Variants in PTH1R observed in about 807,000 individuals in gnomAD.
PTH1R encodes parathyroid hormone/parathyroid hormone-related peptide receptor.
Under a neutral mutation model 70.7 loss-of-function variants are expected in PTH1R, and 32 were observed. The observed-to-expected ratio is 0.45, with a 90% CI of 0.34 to 0.61. The LOEUF is 0.61. Ranked by LOEUF, PTH1R falls within the 20% of genes least tolerant of loss-of-function variation. The probability of loss-of-function intolerance (pLI) is 0.01; values close to 1 mark genes in which losing one functional copy is unlikely to be tolerated. For missense variants in PTH1R, 626 were observed against 792.5 expected (o/e 0.79, Z 2.52); for synonymous variants, 329 against 324.8 (o/e 1.01, Z -0.14).
At chr3:46,888,578 G>A (rs1216197878) in intron 3 of PTH1R, among the ~76,000 whole-genome samples, 4 of 152,174 alleles carry the variant, frequency 2.6e-5, no homozygotes, top group Non-Finnish European at 5.9e-5. Flanking sequence ...TGCAAAATAC[G>A]GTGTGATTGG....
At chr3:46,880,338 T>C (rs2030475147) in intron 1 of PTH1R, 1 of 152,244 alleles carries the variant, frequency 6.6e-6, no homozygotes, top group African/African-American at 2.4e-5. Context: ...AGACAGTTCC[T>C]GTTAGGGAGA....
chr3:46,880,954 T>C (rs2030519855), intron 1 of PTH1R, 108 bp from the exon 2 acceptor site: 1 of 152,012 alleles, frequency 6.6e-6, no homozygotes. Context: ...ACAGGCTGAG[T>C]CTTGAGAGCC....
intron 1 of PTH1R, among the ~76,000 whole-genome samples, chr3:46,880,726 TGAAGAA>T (rs541243988): frequency 8.6e-5 from 13 of 151,430 alleles, no homozygotes; most frequent in African/African-American, 3.2e-4. Context: ...GACTTTGTCT[TGAAGAA>T]GAAGAAGAAG....
At chr3:46,895,269 C>T (rs1208115475) in intron 4 of PTH1R, among the ~76,000 whole-genome samples, 1 of 152,162 alleles carries the variant, frequency 6.6e-6, no homozygotes, top group Admixed American at 6.5e-5. Flanking sequence ...CTTGTCTTCT[C>T]ACCACCAGCT....
intron 4 of PTH1R, 30 bp downstream of exon 4, chr3:46,894,039 T>C: frequency 6.2e-7 from 1 of 1,601,778 alleles, no homozygotes; most frequent in Non-Finnish European, 8.5e-7. Flanking sequence ...GGTCTGGGGA[T>C]GAGGTCAGGT....
rs201918844 is a variant in PTH1R at position 46,899,074 on chromosome 3, A to G, written c.834+217A>G. On this transcript the variant is annotated intron_variant, in intron 9 of 15. Transcript: ENST00000449590. Reference sequence around the variant, plus strand: ...AGTGTCCCACACGCCCCGCGCTGCCATCAAGGCTCCTACCTCAACCCAGTA... The same window carrying G: ...AGTGTCCCACACGCCCCGCGCTGCCGTCAAGGCTCCTACCTCAACCCAGTA... 1.4e-3 allele frequency among the ~76,000 whole-genome samples: 220 copies of G among 152,218 alleles called. 1 individual carries two copies. Among genetic ancestry groups the G allele is most frequent in the African/African-American group, 4.4e-3 (181 of 41,518 alleles).
In PTH1R at chr3:46,891,835, C is replaced by G. The variant is rs1220920332; in HGVS notation, c.76-2072C>G. ...GATGCCAGTGGTGGTGGTGGTAGTA[C>G]TGGGAGGGACTGGTGATGCTGGTGT... On this transcript the variant is annotated intron_variant, in intron 3 of 15. Transcript: ENST00000449590. This position sits in a 1 kb window ranked among gnomAD's most constrained non-coding sequence, Gnocchi z 4.3. 6.6e-6 allele frequency among the ~76,000 whole-genome samples: 1 copy of G among 151,882 alleles called. No individual in the cohort carries two copies. The highest frequency in any genetic ancestry group is 1.5e-5 in the Non-Finnish European group (1 of 67,966).
At position 46,882,187 on chromosome 3, in the gene PTH1R, T is replaced by A. The variant is rs1419667740; in HGVS notation, c.-49+1069T>A. On this transcript the variant is annotated intron_variant, in intron 2 of 15. Coordinates refer to ENST00000449590, the MANE Select transcript of PTH1R (RefSeq NM_000316.3). The surrounding 1 kb of genome is among the most constrained non-coding windows in gnomAD (Gnocchi z 4.3). Reference sequence around the variant, plus strand: ...CCCGCGTCGGCGGCTGCGGAGGGGGTGGGGGCGGGAGAGGCCCGGGAGGGC... The same window carrying A: ...CCCGCGTCGGCGGCTGCGGAGGGGGAGGGGGCGGGAGAGGCCCGGGAGGGC... 1 of 113,828 alleles carries A rather than the reference T, an allele frequency of 8.8e-6. No individual in the cohort carries two copies. Among genetic ancestry groups the A allele is most frequent in the Non-Finnish European group, 1.9e-5 (1 of 51,738 alleles). The allele number at this position is 113,828 out of a possible 1,614,324, so 7.1% of individuals were successfully genotyped here. A position where few individuals can be genotyped will look rare whatever the true frequency, so the allele number is the denominator to read the frequency against.
In PTH1R at chr3:46,901,697, C is replaced by A. The variant is rs2032131359; in HGVS notation, c.1117-69C>A. 6.6e-7 allele frequency: 1 copy of A among 1,512,316 alleles called. No homozygotes were observed. The highest frequency in any genetic ancestry group is 1.1e-5 in the South Asian group (1 of 88,920). The allele number at this position is 1,512,316 out of a possible 1,614,324, so 93.7% of individuals were successfully genotyped here. ...GCAGTGACAGAGCAGAGCCTATGGCCGTGGCTGCCAGGCCTTGCCCCGCCC... is the reference window on the plus strand; with the variant it reads ...GCAGTGACAGAGCAGAGCCTATGGCAGTGGCTGCCAGGCCTTGCCCCGCCC... On this transcript the variant is annotated intron_variant, in intron 12 of 15. Transcript: ENST00000449590. The surrounding 1 kb of genome is among the most constrained non-coding windows in gnomAD (Gnocchi z 7.3).
At chr3:46,898,886 G>T (rs1239689376) in intron 9 of PTH1R, 29 bp downstream of exon 9, 2 of 1,468,068 alleles carry the variant, frequency 1.4e-6, no homozygotes, top group Non-Finnish European at 1.8e-6. Context: ...GCCCGCTCCC[G>T]GTGCCGCCAC....
At chr3:46,898,275 T>C (rs2031876924) in intron 7 of PTH1R, 83 bp downstream of exon 7, 1 of 1,568,924 alleles carries the variant, frequency 6.4e-7, no homozygotes, top group African/African-American at 1.4e-5. Flanking sequence ...CCCTGACCCC[T>C]GACCTTGACT....
Position 46,903,574 on chromosome 3 carries a change from C to T in PTH1R, c.1700C>T (p.Ser567Phe), listed in dbSNP as rs1350428209. ...APKDDGFLNG[S>F]CSGLDEEASG... ...AAGGACGATGGGTTCCTCAACGGCT[C>T]CTGCTCAGGCCTGGACGAGGAGGCC... is the stretch of plus-strand genomic sequence containing the variant. Residue 567 changes from serine to phenylalanine, a missense_variant, in exon 16 of 16, where the codon TCC (serine) becomes TTC (phenylalanine). This residue lies in a region of PTH1R where 495 missense variants were observed against 638.7 expected (regional missense o/e 0.77). Coordinates refer to ENST00000449590, the MANE Select transcript of PTH1R (RefSeq NM_000316.3). The surrounding 1 kb of genome is among the most constrained non-coding windows in gnomAD (Gnocchi z 4.4). 1 of 1,613,830 alleles carries T rather than the reference C, an allele frequency of 6.2e-7. No homozygotes were observed. The highest frequency in any genetic ancestry group is 8.5e-7 in the Non-Finnish European group (1 of 1,180,034).
chr3:46,877,918 A>AG (rs781430959), intron 1 of PTH1R, 75 bp downstream of exon 1: 2 of 152,258 alleles, frequency 1.3e-5, no homozygotes, highest in South Asian at 4.1e-4. Context: ...CCTGGGGGTG[A>AG]GTGTCTAAAT....
Position 46,903,311 on chromosome 3 carries a change from G to A in PTH1R, c.1437G>A (p.Leu479=), listed in dbSNP as rs778662632. 2 of 1,613,496 alleles carry A rather than the reference G, an allele frequency of 1.2e-6. No homozygotes were observed. The highest frequency in any genetic ancestry group is 4.5e-5 in the East Asian group (2 of 44,880). ...EIKKSWSRWT[L]ALDFKRKARS... is the part of the protein sequence containing the mutation. ...AGAAATCTTGGAGCCGCTGGACACT[G>A]GCACTGGACTTCAAGCGAAAGGCAC... The change falls in exon 16 of 16, where the codon CTG becomes CTA. Residue 479 remains leucine (L), a synonymous_variant. Transcript: ENST00000449590. The surrounding 1 kb of genome is among the most constrained non-coding windows in gnomAD (Gnocchi z 4.4).
chr3:46,897,825 A>G, intron 5 of PTH1R, 30 bp from the exon 6 acceptor site: 1 of 1,591,800 alleles, frequency 6.3e-7, no homozygotes, highest in Non-Finnish European at 8.6e-7. Context: ...CTCCCTTGGT[A>G]TCCCCTACCC....
At chr3:46,888,734 G>C (rs572913777) in intron 3 of PTH1R, among the ~76,000 whole-genome samples, 2 of 152,300 alleles carry the variant, frequency 1.3e-5, no homozygotes, top group East Asian at 3.9e-4. Flanking sequence ...CTTAGATTAG[G>C]CCATACTGTT....
rs947162009 is a variant in PTH1R at position 46,892,674 on chromosome 3, C to G, written c.76-1233C>G. ...CTCTCGCCGGTGCCCGCCCCATGCC[C>G]GACCCGCCTTCTTCCTCCCCTGCCT... On this transcript the variant is annotated intron_variant, in intron 3 of 15. Coordinates refer to ENST00000449590, the MANE Select transcript of PTH1R (RefSeq NM_000316.3). The surrounding 1 kb of genome is among the most constrained non-coding windows in gnomAD (Gnocchi z 5.2). 1 of 962,232 alleles carries G rather than the reference C, an allele frequency of 1.0e-6. No individual in the cohort carries two copies. Among genetic ancestry groups the G allele is most frequent in the African/African-American group, 1.8e-5 (1 of 56,746 alleles). 59.6% of individuals were successfully genotyped at this position (962,232 alleles called of 1,614,324 possible). A position where few individuals can be genotyped will look rare whatever the true frequency, so the allele number is the denominator to read the frequency against.
rs2031967383 is a variant in PTH1R, at chr3:46,899,247, C to T, written c.835-56C>T. On this transcript the variant is annotated intron_variant, in intron 9 of 15. Coordinates refer to ENST00000449590, the MANE Select transcript of PTH1R (RefSeq NM_000316.3). ...CTGCCGCCCCAGCCCCCCAGCCCAGCCCTGACTTCCCGGAGGCAGGCCCTG... is the reference window on the plus strand; with the variant it reads ...CTGCCGCCCCAGCCCCCCAGCCCAGTCCTGACTTCCCGGAGGCAGGCCCTG... The T allele has an allele frequency of 1.9e-6, 3 of 1,611,444 alleles. No individual in the cohort carries two copies. The Admixed American group carries it at 5.0e-5, about 27-fold the overall frequency.
At chr3:46,895,948 G>A in intron 5 of PTH1R, 79 bp downstream of exon 5, 2 of 1,529,828 alleles carry the variant, frequency 1.3e-6, no homozygotes, top group Non-Finnish European at 1.8e-6. Context: ...TCTGATGTGA[G>A]CTCATGCTTC....
Sources: gnomAD v4.1 joint callset for allele counts (sites outside exome capture counted in the v4.1 genomes callset) on GRCh38, gnomAD v4.1.1 for gene constraint, gnomAD v4.1.1 regional missense constraint, Gnocchi (gnomAD v3.1) non-coding constraint, MANE v1.5 for transcripts, NCBI Gene and HGNC (gene_info 2026-07-23, HGNC 2026-07-21) for gene names.